Variants in TRAPPC6A observed in about 807,000 individuals in gnomAD.
TRAPPC6A encodes trafficking protein particle complex subunit 6A.
A neutral mutation model predicts 20.8 loss-of-function variants in TRAPPC6A; 25 were observed. The observed-to-expected ratio is 1.20, with a 90% CI of 0.88 to 1.68. The LOEUF is 1.68. TRAPPC6A is among the 40% of genes most tolerant of loss of function. The probability of loss-of-function intolerance (pLI) is 0.00; values close to 1 mark genes in which losing one functional copy is unlikely to be tolerated. For missense variants in TRAPPC6A, 215 were observed against 211.6 expected, an observed-to-expected ratio of 1.02 and a Z score of -0.10; for synonymous variants, 96 against 93.3, an observed-to-expected ratio of 1.03 and a Z score of -0.16.
At chr19:45,177,975 C>T (rs892081893) in intron 1 of TRAPPC6A, 160 bp downstream of exon 1, 8 of 1,367,348 alleles carry the variant, frequency 5.9e-6, no homozygotes, top group Non-Finnish European at 7.8e-6. Context: ...CCGGCACCGT[C>T]GCGAACGCCA....
At chr19:45,168,607 G>A (rs908852051) in intron 1 of TRAPPC6A, among the ~76,000 whole-genome samples, 20 of 152,178 alleles carry the variant, frequency 1.3e-4, no homozygotes, top group East Asian at 3.8e-4. Flanking sequence ...CAATGGTCCC[G>A]GGAATCATTA....
chr19:45,163,793 G>T lies in TRAPPC6A; in HGVS notation c.448+123C>A. 2 of 833,692 alleles carry T rather than the reference G, an allele frequency of 2.4e-6. No individual in the cohort carries two copies. Among genetic ancestry groups the T allele is most frequent in the Non-Finnish European group, 3.8e-6 (2 of 521,018 alleles). 51.6% of individuals were successfully genotyped at this position (833,692 alleles called of 1,614,324 possible). On this transcript the variant is annotated intron_variant, in intron 5 of 5. Transcript: ENST00000585934. This position sits in a 1 kb window ranked among gnomAD's most constrained non-coding sequence, Gnocchi z 5.3. ...ACAGATGGGCCTGCACCAGCCGTGTGGCTGAGCAGGTGACTTAAAACTGGG... is the reference window on the plus strand; with the variant it reads ...ACAGATGGGCCTGCACCAGCCGTGTTGCTGAGCAGGTGACTTAAAACTGGG...
intron 3 of TRAPPC6A, 23 bp downstream of exon 3, chr19:45,164,830 C>T (rs548324082): frequency 9.4e-6 from 15 of 1,603,700 alleles, no homozygotes; most frequent in African/African-American, 4.0e-5. Context: ...GGAAGCTGGA[C>T]GGGCAGGCCG....
intron 1 of TRAPPC6A, among the ~76,000 whole-genome samples, chr19:45,176,858 C>A (rs1200121785): frequency 6.8e-6 from 1 of 147,210 alleles, no homozygotes; most frequent in Non-Finnish European, 1.5e-5. Context: ...ATGGTGAAAC[C>A]CCGTATCTAC....
At chr19:45,169,678 G>A (rs563567458) in intron 1 of TRAPPC6A, among the ~76,000 whole-genome samples, 77 of 152,334 alleles carry the variant, frequency 5.1e-4, no homozygotes, top group African/African-American at 1.8e-3. Context: ...TGTTCTGTGG[G>A]CTCCTGTAGC....
chr19:45,166,981 T>C (rs563064830), intron 1 of TRAPPC6A, among the ~76,000 whole-genome samples: 2 of 152,272 alleles, frequency 1.3e-5, no homozygotes, highest in Non-Finnish European at 2.9e-5. Context: ...CCCTCTCCTC[T>C]GCCCCCTGAG....
At position 45,170,344 on chromosome 19, in the gene TRAPPC6A, G is replaced by A. The variant is rs200219546; in HGVS notation, c.85-5150C>T. ...TCACTATGCTCACAGCGACTGCCAA[G>A]AGGGAGGCAGGTGTGCTGCGAGGGT... On this transcript the variant is annotated intron_variant, in intron 1 of 5. Coordinates refer to ENST00000585934, the MANE Select transcript of TRAPPC6A (RefSeq NM_001270891.2). Among the ~76,000 whole-genome samples the A allele has an allele frequency of 5.3e-5, 8 of 152,228 alleles. No individual in the cohort carries two copies. In the East Asian group the frequency reaches 1.5e-3, roughly 29 times the overall value.
intron 1 of TRAPPC6A, among the ~76,000 whole-genome samples, chr19:45,168,460 C>T (rs530334348): frequency 2.4e-4 from 37 of 152,326 alleles, no homozygotes; most frequent in Admixed American, 8.5e-4. Context: ...AGGGCGCACA[C>T]GGGCCCACAC....
Position 45,163,950 on chromosome 19 carries a change from G to C in TRAPPC6A, c.414C>G (p.Ser138Arg). ...GGGCTGCCACGGAGGCGGTGACCAC[G>C]CTCTCAATGCCCAGGGTATAGAGGG... ...RGALYTLGIE[S>R]VVTASVAALP... The change falls in exon 5 of 6, where the codon AGC (serine) becomes AGG (arginine). Residue 138 changes from serine (S) to arginine (R), a missense_variant. By Grantham distance (110) the Ser-to-Arg change is moderately radical. Transcript: ENST00000585934. The surrounding 1 kb of genome is among the most constrained non-coding windows in gnomAD (Gnocchi z 5.3). 6.3e-7 allele frequency: 1 copy of C among 1,582,692 alleles called. No homozygotes were observed. Among genetic ancestry groups the C allele is most frequent in the Non-Finnish European group, 8.6e-7 (1 of 1,164,898 alleles).
At chr19:45,177,998 G>T in intron 1 of TRAPPC6A, 137 bp downstream of exon 1, 1 of 1,478,116 alleles carries the variant, frequency 6.8e-7, no homozygotes, top group Non-Finnish European at 9.0e-7. Flanking sequence ...TTCCAAAGGA[G>T]GAAGCCAGGG....
Position 45,163,906 on chromosome 19 carries a change from C to G in TRAPPC6A, c.448+10G>C, listed in dbSNP as rs752441982. 30 of 1,567,296 alleles carry G rather than the reference C, an allele frequency of 1.9e-5. No individual in the cohort carries two copies. The highest frequency in any genetic ancestry group is 2.3e-5 in the Non-Finnish European group (27 of 1,155,172). On this transcript the variant is annotated intron_variant, in intron 5 of 5. Coordinates refer to ENST00000585934, the MANE Select transcript of TRAPPC6A (RefSeq NM_001270891.2). The surrounding 1 kb of genome is among the most constrained non-coding windows in gnomAD (Gnocchi z 5.3). Reference sequence around the variant, plus strand: ...GGATGAGAAGAATCCCCCCACCCCCCATGACTCACAGACGGGCAGGGCTGC... The same window carrying G: ...GGATGAGAAGAATCCCCCCACCCCCGATGACTCACAGACGGGCAGGGCTGC...
Position 45,164,841 on chromosome 19 carries a change from G to C in TRAPPC6A, c.270+12C>G. The C allele has an allele frequency of 6.2e-7, 1 of 1,611,328 alleles. No homozygotes were observed. Among genetic ancestry groups the C allele is most frequent in the Non-Finnish European group, 8.5e-7 (1 of 1,177,572 alleles). On this transcript the variant is annotated intron_variant, in intron 3 of 5. Transcript: ENST00000585934. ...AGGAGGAAGCTGGACGGGCAGGCCG[G>C]GGTGCTCCCACCTGGTGATTGGTGC...
chr19:45,168,783 C>T (rs979634606), intron 1 of TRAPPC6A, among the ~76,000 whole-genome samples: 1 of 152,196 alleles, frequency 6.6e-6, no homozygotes, highest in Non-Finnish European at 1.5e-5. Flanking sequence ...CCAAGGCACC[C>T]TCAGCACGGG....
At chr19:45,174,024 C>T (rs1341790710) in intron 1 of TRAPPC6A, among the ~76,000 whole-genome samples, 1 of 152,188 alleles carries the variant, frequency 6.6e-6, no homozygotes, top group Non-Finnish European at 1.5e-5. Context: ...CAGTTTCCCA[C>T]ACTCGCTTGA....
rs756029850 is a variant in TRAPPC6A at position 45,164,213 on chromosome 19, AG to A, written c.304del (p.Leu102SerfsTer54). The A allele has an allele frequency of 5.0e-6, 8 of 1,609,274 alleles. No individual in the cohort carries two copies. Among genetic ancestry groups the A allele is most frequent in the Non-Finnish European group, 6.8e-6 (8 of 1,177,752 alleles). On this transcript the variant is annotated frameshift_variant, in exon 4 of 6. Transcript: ENST00000585934. LOFTEE classifies it high-confidence loss of function. ...TYVLQDNSFPLLLPMASGLQY... is the reference protein window; with the variant it reads ...TYVLQDNSFPXLLPMASGLQY... ...CAGGCCAGAGGCCATCGGGAGGAGG[AG>A]GGGGAAGCTGTTGTCTTGCAGGACG...
At chr19:45,165,850 C>T (rs966755068) in intron 1 of TRAPPC6A, among the ~76,000 whole-genome samples, 2 of 151,352 alleles carry the variant, frequency 1.3e-5, no homozygotes, top group South Asian at 2.1e-4. Context: ...GGGCTGCACT[C>T]GGTGTCTGTC....
At chr19:45,168,811 A>G (rs965621802) in intron 1 of TRAPPC6A, among the ~76,000 whole-genome samples, 6 of 152,018 alleles carry the variant, frequency 3.9e-5, no homozygotes, top group African/African-American at 1.4e-4. Flanking sequence ...TTCACACCCC[A>G]GCAGGTCCAG....
In TRAPPC6A at chr19:45,163,145, C is replaced by A; in HGVS notation, c.*47G>T. ...CAGCGGCCCCACCGTCTCCTGAGGC[C>A]GGTGAGGCCAGGGGCAGCAGTGCGG... On this transcript the variant is annotated 3_prime_UTR_variant, in exon 6 of 6. Coordinates refer to ENST00000585934, the MANE Select transcript of TRAPPC6A (RefSeq NM_001270891.2). The surrounding 1 kb of genome is among the most constrained non-coding windows in gnomAD (Gnocchi z 5.3). 1 of 1,612,600 alleles carries A rather than the reference C, an allele frequency of 6.2e-7. No individual in the cohort carries two copies. The highest frequency in any genetic ancestry group is 8.5e-7 in the Non-Finnish European group (1 of 1,179,016).
rs1415601825 is a variant in TRAPPC6A, at chr19:45,172,811, G to A, written c.84+5324C>T. On this transcript the variant is annotated intron_variant, in intron 1 of 5. Coordinates refer to ENST00000585934, the MANE Select transcript of TRAPPC6A (RefSeq NM_001270891.2). The surrounding 1 kb of genome is among the most constrained non-coding windows in gnomAD (Gnocchi z 4.2). ...AATCTCCATCCAGTCCATTCCTGTG[G>A]CCAGGGAGACATTTCTAGAATGTAA... Among the ~76,000 whole-genome samples, 1 of 151,698 alleles carries A rather than the reference G, an allele frequency of 6.6e-6. No homozygotes were observed. Among genetic ancestry groups the A allele is most frequent in the Non-Finnish European group, 1.5e-5 (1 of 68,028 alleles).
Sources: gnomAD v4.1 joint callset for allele counts (sites outside exome capture counted in the v4.1 genomes callset) on GRCh38, gnomAD v4.1.1 for gene constraint, Gnocchi (gnomAD v3.1) non-coding constraint, MANE v1.5 for transcripts, NCBI Gene and HGNC (gene_info 2026-07-23, HGNC 2026-07-21) for gene names.